The following ZP3 variants were observed in gnomAD, a reference collection of about 807,000 sequenced individuals.
ZP3 encodes zona pellucida glycoprotein 3.
In ZP3, 21 loss-of-function variants were observed where a neutral mutation model predicts 35.6. That is an observed-to-expected ratio of 0.59 (90% CI 0.42 to 0.85). The LOEUF is 0.85. ZP3 is among the 40% of genes least tolerant of loss of function. ZP3 has a pLI of 0.00. For synonymous variants in ZP3, 207 were observed against 214.5 expected (o/e 0.96, Z 0.31); for missense variants, 437 against 536.5 (o/e 0.81, Z 1.83).
intron 1 of ZP3, among the ~76,000 whole-genome samples, chr7:76,427,633 T>C (rs1805707256): frequency 6.6e-6 from 1 of 152,146 alleles, no homozygotes; most frequent in African/African-American, 2.4e-5. Context: ...GTAATAACTT[T>C]TGAATAAGGG....
chr7:76,425,451 G>A (rs949934480), intron 1 of ZP3, among the ~76,000 whole-genome samples, 175 bp downstream of exon 1: 2 of 152,180 alleles, frequency 1.3e-5, no homozygotes, highest in African/African-American at 4.8e-5. Flanking sequence ...ACCCAGGGCA[G>A]CTCCTGCCTC....
At chr7:76,415,503 A>AT (rs905369843) in intron 1 of ZP3, among the ~76,000 whole-genome samples, 7 of 147,864 alleles carry the variant, frequency 4.7e-5, no homozygotes, top group African/African-American at 1.5e-4. Flanking sequence ...TTATTTATTT[A>AT]TTTTTTTTGA....
intron 1 of ZP3, among the ~76,000 whole-genome samples, chr7:76,419,470 G>C (rs553141753): frequency 1.5e-4 from 23 of 152,194 alleles, no homozygotes; most frequent in African/African-American, 5.3e-4. Context: ...ACATATGCAC[G>C]TGGCTGTTTC....
rs1368538593 is a variant in ZP3 at position 76,403,348 on chromosome 7, T to TC, written c.-67+5551_-67+5552insC. Among the ~76,000 whole-genome samples the TC allele has an allele frequency of 2.8e-5, 3 of 107,280 alleles. No individual in the cohort carries two copies. The Admixed American group carries it at 2.9e-4, about 10-fold the overall frequency. The allele number at this position is 107,280 out of a possible 152,430, so 70.4% of individuals were successfully genotyped here. A position where few individuals can be genotyped will look rare whatever the true frequency, so the allele number is the denominator to read the frequency against. On this transcript the variant is annotated intron_variant, in intron 1 of 8. Coordinates refer to the ZP3 transcript ENST00000336517. ...GATGAAGAAACTGAGACTCCACTTCTTTTTTTTGAGACAGAGTCTCGCCCT... is the reference window on the plus strand; with the variant it reads ...GATGAAGAAACTGAGACTCCACTTCTCTTTTTTTGAGACAGAGTCTCGCCCT...
intron 7 of ZP3, among the ~76,000 whole-genome samples, chr7:76,440,973 A>G (rs1806180618): frequency 6.6e-6 from 1 of 152,064 alleles, no homozygotes; most frequent in South Asian, 2.1e-4. Flanking sequence ...GGAGTTCGAG[A>G]CCAGCCTGAC....
chr7:76,436,049 T>TCCC (rs1805996083), intron 5 of ZP3, among the ~76,000 whole-genome samples: 32 of 46,716 alleles, frequency 6.8e-4, no homozygotes, highest in African/African-American at 1.6e-3. Flanking sequence ...TTTTTTTTTT[T>TCCC]TTTTTTTTTT....
At chr7:76,406,983 C>T (rs1584035819) in intron 1 of ZP3, among the ~76,000 whole-genome samples, 1 of 151,072 alleles carries the variant, frequency 6.6e-6, no homozygotes, top group South Asian at 2.1e-4. Context: ...TTTTTGGAGA[C>T]AGAGCCTCCC....
chr7:76,413,152 G>T (rs547933532), intron 1 of ZP3, among the ~76,000 whole-genome samples: 1 of 150,470 alleles, frequency 6.6e-6, no homozygotes, highest in Non-Finnish European at 1.5e-5. Flanking sequence ...TAGTAGAGAC[G>T]GGGTTTCATC....
upstream of ZP3, among the ~76,000 whole-genome samples, chr7:76,421,538 G>A (rs1805505037): frequency 6.6e-6 from 1 of 151,940 alleles, no homozygotes; most frequent in Non-Finnish European, 1.5e-5. Context: ...ACAGATGTGA[G>A]CCATTATGCC....
At chr7:76,434,637 C>CA (rs3972767) in intron 5 of ZP3, among the ~76,000 whole-genome samples, 2,793 of 97,402 alleles carry the variant, frequency 0.029, 40 homozygotes, top group African/African-American at 0.067. Context: ...ACTCCATCTC[C>CA]AAAAAAAAAA....
intron 1 of ZP3, among the ~76,000 whole-genome samples, chr7:76,417,940 C>CTTTT (rs371645836): frequency 3.3e-5 from 4 of 121,206 alleles, no homozygotes; most frequent in African/African-American, 1.0e-4. Flanking sequence ...TTCTTTCTTT[C>CTTTT]TTTTTTTTTT....
chr7:76,398,295 C>A (rs776806891), intron 1 of ZP3, among the ~76,000 whole-genome samples: 4 of 150,132 alleles, frequency 2.7e-5, no homozygotes, highest in Non-Finnish European at 5.9e-5. Flanking sequence ...AGTCTCACCG[C>A]CCATTCATTT....
intron 5 of ZP3, among the ~76,000 whole-genome samples, chr7:76,437,443 T>G (rs2005354): frequency 6.6e-6 from 1 of 150,894 alleles, no homozygotes. Context: ...GTGCTGGGAT[T>G]ACAGGCATGA....
intron 5 of ZP3, among the ~76,000 whole-genome samples, chr7:76,439,286 G>GTAGCTTGTCAAC (rs1307444989): frequency 6.6e-6 from 1 of 152,190 alleles, no homozygotes; most frequent in Non-Finnish European, 1.5e-5. Flanking sequence ...CTGAAGAAAA[G>GTAGCTTGTCAAC]TAGCTTGTCA....
intron 1 of ZP3, among the ~76,000 whole-genome samples, chr7:76,406,055 C>A (rs1968107): frequency 0.47 from 71,973 of 151,654 alleles, 17,764 homozygotes; most frequent in African/African-American, 0.59. Context: ...GTGCGATCTC[C>A]GTTCACTGCA....
intron 5 of ZP3, among the ~76,000 whole-genome samples, chr7:76,438,580 G>A (rs1276298589): frequency 6.8e-6 from 1 of 147,926 alleles, no homozygotes; most frequent in African/African-American, 2.6e-5. Context: ...AGTGCTTACA[G>A]GGTAGTTGAC....
At chr7:76,429,015 C>T in intron 1 of ZP3, 1 of 170,580 alleles carries the variant, frequency 5.9e-6, no homozygotes, top group South Asian at 1.5e-4. Context: ...TGGGCACTTC[C>T]TGACTGCTTC....
At chr7:76,437,179 T>C (rs1390945819) in intron 5 of ZP3, among the ~76,000 whole-genome samples, 2 of 123,850 alleles carry the variant, frequency 1.6e-5, no homozygotes, top group Admixed American at 1.6e-4. Context: ...TACTTTTTTT[T>C]TTTTTTTTTT....
chr7:76,404,576 G>A, intron 1 of ZP3: 1 of 1,329,936 alleles, frequency 7.5e-7, no homozygotes, highest in Non-Finnish European at 1.1e-6. Flanking sequence ...AGGATTGCTT[G>A]CACCCAGGGG....
Sources: allele counts gnomAD v4.1 joint callset (sites outside exome capture counted in the v4.1 genomes callset), GRCh38; gene constraint gnomAD v4.1.1; transcripts MANE v1.5; gene names NCBI Gene and HGNC (gene_info 2026-07-23, HGNC 2026-07-21).